MAP3K2: variants seen among roughly 807,000 people sequenced by gnomAD.
MAP3K2 encodes mitogen-activated protein kinase kinase kinase 2.
In MAP3K2, 24 loss-of-function variants were observed where a neutral mutation model predicts 80.3. The ratio of observed to expected loss-of-function variants is 0.30; its 90% CI spans 0.22 to 0.42. MAP3K2 has a LOEUF of 0.42. Ranked by LOEUF, MAP3K2 falls within the 10% of genes least tolerant of loss-of-function variation. The pLI is 1.00. For missense variants in MAP3K2, 608 were observed against 750.1 expected, an observed-to-expected ratio of 0.81 and a Z score of 2.21; for synonymous variants, 244 against 253.7, an observed-to-expected ratio of 0.96 and a Z score of 0.36.
chr2:127,329,180 AAATG>A (rs1686201520), intron 7 of MAP3K2, among the ~76,000 whole-genome samples: 1 of 152,164 alleles, frequency 6.6e-6, no homozygotes, highest in African/African-American at 2.4e-5. Flanking sequence ...TGGCAAATGA[AAATG>A]AATACTAATA....
At position 127,301,445 on chromosome 2, in the gene MAP3K2, T is replaced by A. The variant is rs1172877016; in HGVS notation, c.*6134A>T. 6.6e-6 allele frequency: 1 copy of A among 152,226 alleles called. No homozygotes were observed. Among genetic ancestry groups the A allele is most frequent in the Non-Finnish European group, 1.5e-5 (1 of 68,030 alleles). 9.4% of individuals were successfully genotyped at this position (152,226 alleles called of 1,614,324 possible). ...TGCACTGATCACCTGTCCTTTTCCT[T>A]GAAGGATATACCAGAATACAAATTC... On this transcript the variant is annotated 3_prime_UTR_variant, in exon 17 of 17. Transcript: ENST00000682094.
chr2:127,315,150 GA>G (rs1685876755), intron 14 of MAP3K2, among the ~76,000 whole-genome samples: 1 of 152,136 alleles, frequency 6.6e-6, no homozygotes, highest in Admixed American at 6.5e-5. Flanking sequence ...ACTCAAGTTC[GA>G]AACATGAGAA....
chr2:127,318,456 TCA>T (rs1372402444), intron 12 of MAP3K2, 139 bp from the exon 13 acceptor site: 6 of 579,164 alleles, frequency 1.0e-5, no homozygotes, highest in African/African-American at 7.7e-5. Flanking sequence ...TTATCCAAAT[TCA>T]CAGTTACCGT....
At position 127,301,513 on chromosome 2, in the gene MAP3K2, G is replaced by A. The variant is rs1486817871; in HGVS notation, c.*6066C>T. 6.6e-6 allele frequency: 1 copy of A among 152,294 alleles called. No individual in the cohort carries two copies. The highest frequency in any genetic ancestry group is 2.1e-4 in the South Asian group (1 of 4,826). 9.4% of individuals were successfully genotyped at this position (152,294 alleles called of 1,614,324 possible). ...TAATTTTTATACTATTAGCTTACAA[G>A]TGGACAGAAGTAACAGTGCTAATTA... On this transcript the variant is annotated 3_prime_UTR_variant, in exon 17 of 17. Coordinates refer to ENST00000682094, the MANE Select transcript of MAP3K2 (RefSeq NM_001371910.2).
At chr2:127,308,099 T>C (rs1379950315) in intron 16 of MAP3K2, among the ~76,000 whole-genome samples, 1 of 152,216 alleles carries the variant, frequency 6.6e-6, no homozygotes, top group East Asian at 1.9e-4. Context: ...TTTTTGTCTT[T>C]ATCTTACAAA....
rs1210781160 is a variant in MAP3K2, at chr2:127,301,523, G to A, written c.*6056C>T. 1 of 152,184 alleles carries A rather than the reference G, an allele frequency of 6.6e-6. No homozygotes were observed. Among genetic ancestry groups the A allele is most frequent in the East Asian group, 1.9e-4 (1 of 5,196 alleles). 9.4% of individuals were successfully genotyped at this position (152,184 alleles called of 1,614,324 possible). On this transcript the variant is annotated 3_prime_UTR_variant, in exon 17 of 17. Transcript: ENST00000682094. The stretch of plus-strand genomic sequence containing the variant: ...ACTATTAGCTTACAAGTGGACAGAA[G>A]TAACAGTGCTAATTATTTTGGCTAT...
At chr2:127,319,494 C>G (rs1416060088) in intron 12 of MAP3K2, among the ~76,000 whole-genome samples, 2 of 151,834 alleles carry the variant, frequency 1.3e-5, no homozygotes, top group Non-Finnish European at 2.9e-5. Context: ...GATCCTCCCT[C>G]TCTGAGAAGT....
chr2:127,309,411 TATAG>T (rs1470165696), intron 15 of MAP3K2, among the ~76,000 whole-genome samples: 5 of 152,088 alleles, frequency 3.3e-5, no homozygotes, highest in Non-Finnish European at 7.3e-5. Context: ...GCAAAGACAG[TATAG>T]AGAGTTCCCA....
intron 1 of MAP3K2, among the ~76,000 whole-genome samples, chr2:127,354,311 T>C (rs1259889073): frequency 6.6e-6 from 1 of 150,984 alleles, no homozygotes; most frequent in Non-Finnish European, 1.5e-5. Flanking sequence ...ACTTTGAGTC[T>C]TCAGAATGAT....
At chr2:127,386,670 A>G (rs1687356088) in intron 1 of MAP3K2, among the ~76,000 whole-genome samples, 1 of 145,826 alleles carries the variant, frequency 6.9e-6, no homozygotes, top group African/African-American at 2.4e-5. Context: ...CCATCTTTTA[A>G]ATTTTTTTTA....
chr2:127,334,473 C>T (rs1293420600), intron 5 of MAP3K2, among the ~76,000 whole-genome samples: 2 of 152,186 alleles, frequency 1.3e-5, no homozygotes, highest in South Asian at 2.1e-4. Context: ...CTCTGTCACA[C>T]AGGCTGGAGT....
chr2:127,379,410 T>A (rs1687211069), intron 1 of MAP3K2, among the ~76,000 whole-genome samples: 1 of 152,236 alleles, frequency 6.6e-6, no homozygotes, highest in Non-Finnish European at 1.5e-5. Flanking sequence ...ACCCCAATTT[T>A]ACAGAGGAGT....
intron 1 of MAP3K2, among the ~76,000 whole-genome samples, chr2:127,386,309 G>C (rs1490242465): frequency 6.6e-6 from 1 of 152,104 alleles, no homozygotes; most frequent in Non-Finnish European, 1.5e-5. Context: ...AGAATTTTCA[G>C]TTAACTTATA....
intron 1 of MAP3K2, among the ~76,000 whole-genome samples, chr2:127,356,159 G>A (rs190345884): frequency 7.2e-5 from 11 of 152,176 alleles, no homozygotes; most frequent in Admixed American, 4.6e-4. Context: ...GCTGGAATGA[G>A]CTTCTTTCAA....
rs1173038754 is a variant in MAP3K2, at chr2:127,300,942, T to A, written c.*6637A>T. 1.3e-5 allele frequency: 2 copies of A among 152,218 alleles called. No individual in the cohort carries two copies. Among genetic ancestry groups the A allele is most frequent in the African/African-American group, 4.8e-5 (2 of 41,456 alleles). 9.4% of individuals were successfully genotyped at this position (152,218 alleles called of 1,614,324 possible). ...GTTTCTTCTCCCCTCCAAGTAAAGCTAATGCTAAAATCATCACTAGTTACA... is the reference window on the plus strand; with the variant it reads ...GTTTCTTCTCCCCTCCAAGTAAAGCAAATGCTAAAATCATCACTAGTTACA... On this transcript the variant is annotated 3_prime_UTR_variant, in exon 17 of 17. Transcript: ENST00000682094.
chr2:127,366,983 G>A (rs982573503), intron 1 of MAP3K2, among the ~76,000 whole-genome samples: 1 of 138,998 alleles, frequency 7.2e-6, no homozygotes, highest in African/African-American at 2.6e-5. Flanking sequence ...CCAATCTCCC[G>A]CCTCAGCCTC....
At chr2:127,377,717 T>C (rs762850718) in intron 1 of MAP3K2, among the ~76,000 whole-genome samples, 2 of 152,202 alleles carry the variant, frequency 1.3e-5, no homozygotes, top group African/African-American at 2.4e-5. Flanking sequence ...CTTCCTAAGA[T>C]ACGGTTTGAA....
chr2:127,360,941 A>G (rs1487429989), intron 1 of MAP3K2, among the ~76,000 whole-genome samples: 1 of 152,178 alleles, frequency 6.6e-6, no homozygotes, highest in Non-Finnish European at 1.5e-5. Context: ...AAGAGAGGAG[A>G]GGGTTCTGAG....
intron 5 of MAP3K2, among the ~76,000 whole-genome samples, chr2:127,334,832 G>A (rs996965157): frequency 3.3e-5 from 5 of 149,564 alleles, no homozygotes; most frequent in South Asian, 2.1e-4. Context: ...GTGTAGTGAC[G>A]CGGTATCAGC....
Sources: allele counts gnomAD v4.1 joint callset (sites outside exome capture counted in the v4.1 genomes callset), GRCh38; gene constraint gnomAD v4.1.1; transcripts MANE v1.5; gene names NCBI Gene and HGNC (gene_info 2026-07-23, HGNC 2026-07-21).